Variants in TMEM132C observed in about 807,000 individuals in gnomAD.
The protein encoded by TMEM132C is transmembrane protein 132C.
A neutral mutation model predicts 61.4 loss-of-function variants in TMEM132C; 29 were observed. The ratio of observed to expected loss-of-function variants is 0.47; its 90% CI spans 0.35 to 0.64. TMEM132C has a LOEUF of 0.64. Among genes scored for constraint, TMEM132C ranks in the 30% least tolerant of loss-of-function variants. The pLI, the probability that TMEM132C is intolerant of heterozygous loss-of-function variation, is 0.00. For missense variants in TMEM132C, 1,408 were observed against 1,476.9 expected, an observed-to-expected ratio of 0.95 and a Z score of 0.76; for synonymous variants, 656 against 633.1, an observed-to-expected ratio of 1.04 and a Z score of -0.54.
chr12:128,566,731 G>A (rs1874717689), intron 3 of TMEM132C, among the ~76,000 whole-genome samples: 1 of 152,218 alleles, frequency 6.6e-6, no homozygotes, highest in Non-Finnish European at 1.5e-5. Context: ...ACATCACGTA[G>A]TTCGTACTGT....
chr12:128,544,514 G>C (rs1873882370), intron 3 of TMEM132C, among the ~76,000 whole-genome samples: 1 of 152,232 alleles, frequency 6.6e-6, no homozygotes, highest in Non-Finnish European at 1.5e-5. Flanking sequence ...ACAGTCAGTG[G>C]CAATAATGGA....
chr12:128,489,999 A>T (rs1871658921), intron 2 of TMEM132C, among the ~76,000 whole-genome samples: 1 of 152,218 alleles, frequency 6.6e-6, no homozygotes, highest in Non-Finnish European at 1.5e-5. Context: ...CTGAGAAGCC[A>T]CAGGCTTAGA....
At chr12:128,487,137 C>A (rs1052308361) in intron 2 of TMEM132C, among the ~76,000 whole-genome samples, 5 of 152,302 alleles carry the variant, frequency 3.3e-5, no homozygotes, top group African/African-American at 9.6e-5. Context: ...GTGCACAGAT[C>A]TTGCGTGGTA....
At chr12:128,398,410 C>T (rs1215318190) in intron 1 of TMEM132C, among the ~76,000 whole-genome samples, 1 of 152,126 alleles carries the variant, frequency 6.6e-6, no homozygotes, top group Non-Finnish European at 1.5e-5. Context: ...AAGCCTGGGT[C>T]CTTTTGTAGT....
At chr12:128,639,196 T>G (rs1954132842) in intron 4 of TMEM132C, among the ~76,000 whole-genome samples, 1 of 138,968 alleles carries the variant, frequency 7.2e-6, no homozygotes, top group Non-Finnish European at 1.6e-5. Context: ...ATGGTGATGG[T>G]GGGGTGATGA....
rs139670316 is a variant in TMEM132C, at chr12:128,407,857, C to T, written c.86-6875C>T. ...GTCTTATGCAAAGGTTGTAGATAAG[C>T]GTGTAGATACAGGAGATGGGGTGCC... On this transcript the variant is annotated intron_variant, in intron 1 of 8. Transcript: ENST00000435159. Among the ~76,000 whole-genome samples the T allele has an allele frequency of 5.9e-4, 90 of 152,262 alleles. No individual in the cohort carries two copies. In the East Asian group the frequency reaches 9.5e-3, roughly 16 times the overall value.
At position 128,450,231 on chromosome 12, in the gene TMEM132C, TA is replaced by T. The variant is rs528462248; in HGVS notation, c.974+34614del. Among the ~76,000 whole-genome samples, 462 of 152,344 alleles carry T rather than the reference TA, an allele frequency of 3.0e-3. 5 individuals carry two copies. Among genetic ancestry groups the T allele is most frequent in the East Asian group, 5.2e-3 (27 of 5,194 alleles). On this transcript the variant is annotated intron_variant, in intron 2 of 8. Transcript: ENST00000435159. ...TAATTTTATTTAATTTTAATTAATT[TA>T]AATTTAAGAGTCACTTGTGGCTACT...
At chr12:128,607,005 G>C in intron 3 of TMEM132C, among the ~76,000 whole-genome samples, 1 of 152,126 alleles carries the variant, frequency 6.6e-6, no homozygotes, top group Admixed American at 6.5e-5. Flanking sequence ...CGATGAATAA[G>C]GAAGACACAG....
intron 2 of TMEM132C, among the ~76,000 whole-genome samples, chr12:128,469,745 T>C (rs746812286): frequency 1.3e-5 from 2 of 151,954 alleles, no homozygotes; most frequent in African/African-American, 2.4e-5. Flanking sequence ...CATTTATGTG[T>C]GTGTATATAT....
chr12:128,414,618 G>A lies in TMEM132C; in HGVS notation c.86-114G>A, dbSNP rs7302237. On this transcript the variant is annotated intron_variant, in intron 1 of 8. Transcript: ENST00000435159. ...GAATATAAAAATTCTAGCCAAGTGG[G>A]CTTCAGAATTTCTATCCCTCATTTC... is the stretch of plus-strand genomic sequence containing the variant. The A allele has an allele frequency of 0.011, 13,102 of 1,167,672 alleles. 977 individuals carry two copies. In the African/African-American group the frequency reaches 0.17, roughly 15 times the overall value. 72.3% of individuals were successfully genotyped at this position (1,167,672 alleles called of 1,614,324 possible).
chr12:128,647,435 A>G (rs574851713), intron 4 of TMEM132C, among the ~76,000 whole-genome samples: 2 of 148,500 alleles, frequency 1.3e-5, no homozygotes, highest in African/African-American at 2.5e-5. Context: ...ACTAGCCCCT[A>G]TCAGCGTTGG....
chr12:128,345,256 G>A (rs1332281070), intron 1 of TMEM132C, among the ~76,000 whole-genome samples: 2 of 152,104 alleles, frequency 1.3e-5, no homozygotes, highest in Admixed American at 6.6e-5. Context: ...TTATGGCTGC[G>A]TAGTATTCCA....
At chr12:128,654,524 A>G (rs1386362239) in intron 4 of TMEM132C, among the ~76,000 whole-genome samples, 2 of 152,196 alleles carry the variant, frequency 1.3e-5, no homozygotes, top group Non-Finnish European at 2.9e-5. Flanking sequence ...AGGCATACAC[A>G]TCAATTACTG....
intron 1 of TMEM132C, among the ~76,000 whole-genome samples, chr12:128,334,583 G>C (rs1347282387): frequency 1.3e-5 from 2 of 148,776 alleles, no homozygotes; most frequent in Admixed American, 6.7e-5. Context: ...AACGTTATTT[G>C]TTCTTTTTCA....
intron 2 of TMEM132C, among the ~76,000 whole-genome samples, chr12:128,540,855 C>T (rs1593092516): frequency 6.6e-6 from 1 of 152,040 alleles, no homozygotes; most frequent in Non-Finnish European, 1.5e-5. Context: ...GCCCGCGGGT[C>T]GAGGGCTCAC....
intron 4 of TMEM132C, among the ~76,000 whole-genome samples, chr12:128,656,378 G>T (rs754211102): frequency 6.6e-6 from 1 of 152,142 alleles, no homozygotes; most frequent in Non-Finnish European, 1.5e-5. Flanking sequence ...GTCCAAGTTT[G>T]CCTCATGATC....
chr12:128,596,958 A>T (rs1268016830), intron 3 of TMEM132C, among the ~76,000 whole-genome samples: 4 of 152,076 alleles, frequency 2.6e-5, no homozygotes, highest in African/African-American at 9.7e-5. Context: ...TCTGTTAAGG[A>T]TGCTTTCAAG....
At chr12:128,402,240 A>G (rs1191324849) in intron 1 of TMEM132C, among the ~76,000 whole-genome samples, 4 of 152,106 alleles carry the variant, frequency 2.6e-5, no homozygotes, top group African/African-American at 9.7e-5. Flanking sequence ...TGTTTGTTTT[A>G]GCTTTTATTT....
intron 3 of TMEM132C, among the ~76,000 whole-genome samples, chr12:128,563,890 A>G (rs1874607148): frequency 6.6e-6 from 1 of 152,164 alleles, no homozygotes; most frequent in Non-Finnish European, 1.5e-5. Context: ...CAATTTTTTG[A>G]ATTTTTGCAC....
Sources: allele counts gnomAD v4.1 joint callset (sites outside exome capture counted in the v4.1 genomes callset), GRCh38; gene constraint gnomAD v4.1.1; transcripts MANE v1.5; gene names NCBI Gene and HGNC (gene_info 2026-07-23, HGNC 2026-07-21).